TENM3: variants seen among roughly 807,000 people sequenced by gnomAD.
The protein encoded by TENM3 is teneurin-3.
In TENM3, 63 loss-of-function variants were observed where a neutral mutation model predicts 255.1. That is an observed-to-expected ratio of 0.25 (90% CI 0.20 to 0.30). The LOEUF is 0.30. Among genes scored for constraint, TENM3 ranks in the 10% least tolerant of loss-of-function variants. The probability of loss-of-function intolerance (pLI) is 1.00; values close to 1 mark genes in which losing one functional copy is unlikely to be tolerated. For missense variants in TENM3, 2,929 were observed against 3,461.1 expected (o/e 0.85, Z 3.86); for synonymous variants, 1,306 against 1,322.3 (o/e 0.99, Z 0.27).
At chr4:182,453,634 G>A (rs1172857979) in intron 3 of TENM3, among the ~76,000 whole-genome samples, 2 of 152,116 alleles carry the variant, frequency 1.3e-5, no homozygotes, top group Non-Finnish European at 2.9e-5. Flanking sequence ...TTAAAACGAT[G>A]TGTGGAAGTT....
At chr4:182,678,064 CAT>C (rs1755802277) in intron 7 of TENM3, among the ~76,000 whole-genome samples, 1 of 151,936 alleles carries the variant, frequency 6.6e-6, no homozygotes, top group African/African-American at 2.4e-5. Flanking sequence ...AGTACTATGG[CAT>C]ATGTTTCACC....
At chr4:182,209,907 A>G (rs187396430) in intron 1 of TENM3, among the ~76,000 whole-genome samples, 4 of 152,126 alleles carry the variant, frequency 2.6e-5, no homozygotes, top group Admixed American at 6.5e-5. Context: ...GAGGTGGGGT[A>G]GAATTAACTC....
At chr4:181,823,295 C>T in the TENM3 span, among the ~76,000 whole-genome samples, 62 of 152,216 alleles carry the variant, frequency 4.1e-4, no homozygotes, top group African/African-American at 1.4e-3. Flanking sequence ...TAATTACCTG[C>T]GTTGCCTTCT....
chr4:181,689,241 G>T, the TENM3 span, among the ~76,000 whole-genome samples: 1 of 152,216 alleles, frequency 6.6e-6, no homozygotes, highest in Non-Finnish European at 1.5e-5. Flanking sequence ...CAGCATTTTA[G>T]ACAGGGCAAA....
At chr4:182,547,039 C>T (rs1580893965) in intron 3 of TENM3, among the ~76,000 whole-genome samples, 1 of 152,094 alleles carries the variant, frequency 6.6e-6, no homozygotes, top group East Asian at 1.9e-4. Flanking sequence ...ATCTCCTCTT[C>T]CATTTCTAGA....
At chr4:181,893,444 T>A in the TENM3 span, among the ~76,000 whole-genome samples, 5 of 150,482 alleles carry the variant, frequency 3.3e-5, no homozygotes, top group Non-Finnish European at 1.5e-5. Context: ...TAAGACACAT[T>A]TCAAAAATAT....
At chr4:181,869,556 A>T in the TENM3 span, among the ~76,000 whole-genome samples, 1 of 152,126 alleles carries the variant, frequency 6.6e-6, no homozygotes, top group Non-Finnish European at 1.5e-5. Flanking sequence ...CTTCTCCATG[A>T]TATTTTTCAC....
chr4:181,909,318 A>G, the TENM3 span, among the ~76,000 whole-genome samples: 1 of 152,204 alleles, frequency 6.6e-6, no homozygotes, highest in Non-Finnish European at 1.5e-5. Context: ...TAAAATAAAC[A>G]CCTTCTGTGG....
the TENM3 span, among the ~76,000 whole-genome samples, chr4:181,501,093 A>G: frequency 6.6e-6 from 1 of 152,122 alleles, no homozygotes; most frequent in African/African-American, 2.4e-5. Flanking sequence ...TTCTGGGCCA[A>G]TCAAAGAAAA....
intron 12 of TENM3, among the ~76,000 whole-genome samples, chr4:182,712,634 C>T (rs1758835840): frequency 1.3e-5 from 2 of 152,118 alleles, no homozygotes; most frequent in Non-Finnish European, 2.9e-5. Flanking sequence ...TAACTCTAAT[C>T]TTAAGAGACA....
chr4:181,622,504 T>C, the TENM3 span, among the ~76,000 whole-genome samples: 1 of 152,058 alleles, frequency 6.6e-6, no homozygotes, highest in Non-Finnish European at 1.5e-5. Flanking sequence ...GGTGAAACCC[T>C]GTCTCTAATA....
chr4:182,528,916 A>C (rs1739496901), intron 3 of TENM3, among the ~76,000 whole-genome samples: 1 of 152,258 alleles, frequency 6.6e-6, no homozygotes, highest in Non-Finnish European at 1.5e-5. Context: ...AGGTTGGACA[A>C]GCTGGATTTA....
chr4:181,611,695 A>G, the TENM3 span, among the ~76,000 whole-genome samples: 21 of 152,344 alleles, frequency 1.4e-4, no homozygotes, highest in East Asian at 1.9e-3. Flanking sequence ...TAGAGTTATA[A>G]TGAGTGCAAA....
chr4:182,687,746 G>C (rs1404945693), intron 11 of TENM3, among the ~76,000 whole-genome samples: 1 of 113,876 alleles, frequency 8.8e-6, no homozygotes, highest in East Asian at 2.6e-4. Context: ...TGAAATCCAA[G>C]TCCTGTTAGA....
chr4:181,773,663 A>G, the TENM3 span, among the ~76,000 whole-genome samples: 1 of 152,204 alleles, frequency 6.6e-6, no homozygotes, highest in Non-Finnish European at 1.5e-5. Flanking sequence ...CCTGAAACAA[A>G]TGCTTCTACA....
chr4:181,903,289 T>G, the TENM3 span, among the ~76,000 whole-genome samples: 1 of 152,206 alleles, frequency 6.6e-6, no homozygotes, highest in Non-Finnish European at 1.5e-5. Flanking sequence ...TCCACCAATT[T>G]GGAGAAAAAA....
At chr4:182,535,648 G>T (rs912289733) in intron 3 of TENM3, among the ~76,000 whole-genome samples, 1 of 151,828 alleles carries the variant, frequency 6.6e-6, no homozygotes, top group Admixed American at 6.6e-5. Flanking sequence ...ACTGAGGTAG[G>T]AGGGTTACTT....
chr4:181,902,963 C>A, the TENM3 span, among the ~76,000 whole-genome samples: 927 of 152,180 alleles, frequency 6.1e-3, 11 homozygotes, highest in African/African-American at 0.021. Flanking sequence ...GTTTTACAAT[C>A]GGTATTGATT....
At chr4:181,931,493 C>A in the TENM3 span, among the ~76,000 whole-genome samples, 1 of 152,122 alleles carries the variant, frequency 6.6e-6, no homozygotes, top group Admixed American at 6.5e-5. Flanking sequence ...GAACTACAAA[C>A]CACTACTCAA....
Sources: gnomAD v4.1 joint callset for allele counts (sites outside exome capture counted in the v4.1 genomes callset) on GRCh38, gnomAD v4.1.1 for gene constraint, MANE v1.5 for transcripts, NCBI Gene and HGNC (gene_info 2026-07-23, HGNC 2026-07-21) for gene names.